SUGCT: variants seen among roughly 807,000 people sequenced by gnomAD.
The protein encoded by SUGCT is succinyl-CoA:glutarate-CoA transferase.
SUGCT carries 41 observed loss-of-function variants against 55.0 expected under a neutral mutation model. That is an observed-to-expected ratio of 0.74 (90% confidence interval 0.58 to 0.97). The LOEUF is 0.97. SUGCT is among the 50% of genes least tolerant of loss of function. The probability of loss-of-function intolerance (pLI) is 0.00; values close to 1 mark genes in which losing one functional copy is unlikely to be tolerated. For missense variants in SUGCT, 568 were observed against 547.8 expected (o/e 1.04, Z -0.37); for synonymous variants, 187 against 200.4 (o/e 0.93, Z 0.56).
In SUGCT at chr7:40,249,331, A is replaced by C. The variant is rs868659697; in HGVS notation, c.576+11605A>C. 1.6e-4 allele frequency among the ~76,000 whole-genome samples: 19 copies of C among 115,880 alleles called. 1 individual carries two copies. Among genetic ancestry groups the C allele is most frequent in the African/African-American group, 5.5e-4 (16 of 29,294 alleles). 76.0% of individuals were successfully genotyped at this position (115,880 alleles called of 152,430 possible). A position where few individuals can be genotyped will look rare whatever the true frequency, so the allele number is the denominator to read the frequency against. Reference sequence around the variant, plus strand: ...CAAAAAGCTATATATATATATATATATATATATATATATATAATTATATTA... The same window carrying C: ...CAAAAAGCTATATATATATATATATCTATATATATATATATAATTATATTA... On this transcript the variant is annotated intron_variant, in intron 7 of 13. Coordinates refer to ENST00000335693, the MANE Select transcript of SUGCT (RefSeq NM_001193313.2).
At chr7:40,815,064 A>G (rs1791601053) in intron 13 of SUGCT, among the ~76,000 whole-genome samples, 1 of 152,202 alleles carries the variant, frequency 6.6e-6, no homozygotes, top group African/African-American at 2.4e-5. Flanking sequence ...GCTGCAGCCA[A>G]CATGGTTGGA....
intron 9 of SUGCT, 80 bp from the exon 10 acceptor site, chr7:40,449,207 A>G (rs914263150): frequency 5.9e-5 from 53 of 896,950 alleles, no homozygotes; most frequent in African/African-American, 5.2e-4. Context: ...CAAGCTTTCT[A>G]TATAGATATT....
At chr7:40,268,028 AT>A (rs888873634) in intron 7 of SUGCT, among the ~76,000 whole-genome samples, 6 of 152,202 alleles carry the variant, frequency 3.9e-5, no homozygotes, top group South Asian at 2.1e-4. Context: ...GTCTTTAAAG[AT>A]TTTTTTTAAA....
intron 9 of SUGCT, among the ~76,000 whole-genome samples, chr7:40,335,253 T>A (rs1360610411): frequency 1.3e-5 from 2 of 152,206 alleles, no homozygotes; most frequent in African/African-American, 4.8e-5. Context: ...TTTGGTTCCA[T>A]ATGAACTTTA....
intron 12 of SUGCT, among the ~76,000 whole-genome samples, chr7:40,563,562 A>C (rs1795961527): frequency 6.6e-6 from 1 of 151,358 alleles, no homozygotes; most frequent in Non-Finnish European, 1.5e-5. Flanking sequence ...AAAGAGAGAG[A>C]AAATAACCAG....
At chr7:40,639,894 A>G (rs994077096) in intron 12 of SUGCT, among the ~76,000 whole-genome samples, 7 of 152,152 alleles carry the variant, frequency 4.6e-5, no homozygotes, top group Non-Finnish European at 1.0e-4. Flanking sequence ...TCGATACTCA[A>G]TAAATGCTTT....
Position 40,566,264 on chromosome 7 carries a change from G to T in SUGCT, c.1089+69878G>T, listed in dbSNP as rs111397767. 4.6e-3 allele frequency among the ~76,000 whole-genome samples: 539 copies of T among 117,100 alleles called. 1 individual carries two copies. Among genetic ancestry groups the T allele is most frequent in the African/African-American group, 0.016 (518 of 31,636 alleles). 76.8% of individuals were successfully genotyped at this position (117,100 alleles called of 152,430 possible). A position where few individuals can be genotyped will look rare whatever the true frequency, so the allele number is the denominator to read the frequency against. Reference sequence around the variant, plus strand: ...CAAGTGCTTAACACAGATACTATTAGTATTAGATCTACACATTCCTTTCCC... The same window carrying T: ...CAAGTGCTTAACACAGATACTATTATTATTAGATCTACACATTCCTTTCCC... On this transcript the variant is annotated intron_variant, in intron 12 of 13. Coordinates refer to ENST00000335693, the MANE Select transcript of SUGCT (RefSeq NM_001193313.2).
intron 12 of SUGCT, among the ~76,000 whole-genome samples, chr7:40,655,074 A>G (rs1800953027): frequency 6.6e-6 from 1 of 152,144 alleles, no homozygotes; most frequent in African/African-American, 2.4e-5. Flanking sequence ...GCGGGGCATC[A>G]TTTGAGCTCT....
chr7:40,379,623 G>T (rs1784774231), intron 9 of SUGCT, among the ~76,000 whole-genome samples: 1 of 152,064 alleles, frequency 6.6e-6, no homozygotes, highest in Admixed American at 6.5e-5. Context: ...AATTAGCTTG[G>T]TAGTCAGATA....
chr7:40,527,759 A>G (rs1240940005), intron 12 of SUGCT, among the ~76,000 whole-genome samples: 1 of 152,184 alleles, frequency 6.6e-6, no homozygotes, highest in East Asian at 1.9e-4. Flanking sequence ...TCATTAGATG[A>G]TTCATGCTTA....
At chr7:40,413,960 T>G (rs1161853056) in intron 9 of SUGCT, among the ~76,000 whole-genome samples, 1 of 152,212 alleles carries the variant, frequency 6.6e-6, no homozygotes, top group Non-Finnish European at 1.5e-5. Context: ...TTTTTTTTTA[T>G]AGCTGCATAC....
intron 13 of SUGCT, among the ~76,000 whole-genome samples, chr7:40,840,554 A>C (rs1371448727): frequency 1.3e-5 from 2 of 152,140 alleles, no homozygotes; most frequent in Non-Finnish European, 2.9e-5. Context: ...GACACAGTTA[A>C]AGCAGTACTG....
the SUGCT span, among the ~76,000 whole-genome samples, chr7:40,943,243 C>T: frequency 6.6e-6 from 1 of 150,708 alleles, no homozygotes; most frequent in Non-Finnish European, 1.5e-5. Flanking sequence ...AAATTTCCTT[C>T]CCCCCCTTGA....
chr7:40,612,780 A>G (rs1289292931), intron 12 of SUGCT, among the ~76,000 whole-genome samples: 1 of 152,240 alleles, frequency 6.6e-6, no homozygotes, highest in Non-Finnish European at 1.5e-5. Context: ...AGCTAACATG[A>G]TTATTAGAAT....
At chr7:40,283,565 A>T (rs1019917567) in intron 8 of SUGCT, among the ~76,000 whole-genome samples, 1 of 152,162 alleles carries the variant, frequency 6.6e-6, no homozygotes, top group Non-Finnish European at 1.5e-5. Context: ...AGTGGCCAAC[A>T]AGTATCTGAG....
chr7:40,687,682 AT>A (rs1784524271), intron 12 of SUGCT, among the ~76,000 whole-genome samples: 1 of 152,130 alleles, frequency 6.6e-6, no homozygotes. Context: ...TTCATGTCCT[AT>A]TGGCATGAGC....
At chr7:40,607,946 A>G (rs1462811488) in intron 12 of SUGCT, among the ~76,000 whole-genome samples, 1 of 152,222 alleles carries the variant, frequency 6.6e-6, no homozygotes, top group Non-Finnish European at 1.5e-5. Flanking sequence ...TGGAGAATTT[A>G]TGGCCTCAAT....
intron 12 of SUGCT, among the ~76,000 whole-genome samples, chr7:40,578,972 G>A (rs1796926855): frequency 6.6e-6 from 1 of 152,054 alleles, no homozygotes; most frequent in Non-Finnish European, 1.5e-5. Flanking sequence ...GAACATGTAA[G>A]CACCCAATAA....
chr7:40,900,055 C>T, the SUGCT span, among the ~76,000 whole-genome samples: 2 of 152,086 alleles, frequency 1.3e-5, no homozygotes, highest in South Asian at 4.1e-4. Flanking sequence ...CCTTCATCCT[C>T]GGGGGCTGCT....
Sources: allele counts gnomAD v4.1 joint callset (sites outside exome capture counted in the v4.1 genomes callset), GRCh38; gene constraint gnomAD v4.1.1; transcripts MANE v1.5; gene names NCBI Gene and HGNC (gene_info 2026-07-23, HGNC 2026-07-21).